MAP4K4: variants seen among roughly 807,000 people sequenced by gnomAD.
The protein encoded by MAP4K4 is mitogen-activated protein kinase kinase kinase kinase 4.
Under a neutral mutation model 189.6 loss-of-function variants are expected in MAP4K4, and 38 were observed. The observed-to-expected ratio is 0.20, with a 90% CI of 0.15 to 0.26. The LOEUF is 0.26. Ranked by LOEUF, MAP4K4 falls within the 10% of genes least tolerant of loss-of-function variation. The probability of loss-of-function intolerance (pLI) is 1.00; values close to 1 mark genes in which losing one functional copy is unlikely to be tolerated. For synonymous variants in MAP4K4, 610 were observed against 624.3 expected (o/e 0.98, Z 0.34); for missense variants, 1,054 against 1,726.9 (o/e 0.61, Z 6.91).
At position 101,874,121 on chromosome 2, in the gene MAP4K4, G is replaced by A. The variant is rs777823842; in HGVS notation, c.3110G>A (p.Arg1037Lys). 17 of 1,613,834 alleles carry A rather than the reference G, an allele frequency of 1.1e-5. No homozygotes were observed. Among genetic ancestry groups the A allele is most frequent in the Non-Finnish European group, 1.4e-5 (16 of 1,179,874 alleles). ...GATGGGATGAGACCAGAAGCCATAA[G>A]GCAAGATCCTACCCGGAAAGGCTCA... The change falls in exon 26 of 33, where the codon AGG becomes AAG. Residue 1037 changes from arginine (R) to lysine (K), a missense_variant. By Grantham distance (26) the Arg-to-Lys change is conservative. Around this residue, in one of 4 missense-constraint regions of MAP4K4, gnomAD observed 646 missense variants for 796.2 expected, o/e 0.81. Transcript: ENST00000324219.
chr2:101,763,922 C>T (rs1430693088), intron 2 of MAP4K4, among the ~76,000 whole-genome samples: 2 of 151,856 alleles, frequency 1.3e-5, no homozygotes, highest in Non-Finnish European at 2.9e-5. Context: ...GGAGAGGGGG[C>T]TGGAGAGGAC....
chr2:101,800,104 CTTG>C (rs763027426), intron 3 of MAP4K4, among the ~76,000 whole-genome samples: 6 of 146,916 alleles, frequency 4.1e-5, no homozygotes, highest in Non-Finnish European at 8.9e-5. Flanking sequence ...AAAGGCAGTT[CTTG>C]TTGTTCTTCT....
intron 20 of MAP4K4, chr2:101,867,674 C>T: frequency 2.7e-6 from 1 of 371,332 alleles, no homozygotes. Context: ...TTATCTCTTT[C>T]TTGGCATTAA....
intron 2 of MAP4K4, among the ~76,000 whole-genome samples, chr2:101,785,852 T>G (rs2090948321): frequency 6.6e-6 from 1 of 151,590 alleles, no homozygotes; most frequent in Admixed American, 6.6e-5. Flanking sequence ...TGAGTTGGAG[T>G]CTTGCTCTGT....
chr2:101,846,796 T>C (rs2097124420), intron 12 of MAP4K4, among the ~76,000 whole-genome samples: 1 of 152,180 alleles, frequency 6.6e-6, no homozygotes, highest in East Asian at 1.9e-4. Context: ...GTCACATGAG[T>C]AGAATTCCAC....
At chr2:101,796,576 C>G (rs1316198698) in intron 3 of MAP4K4, among the ~76,000 whole-genome samples, 1 of 152,164 alleles carries the variant, frequency 6.6e-6, no homozygotes, top group African/African-American at 2.4e-5. Flanking sequence ...TTTAAGTAAG[C>G]TCGTTGAGTG....
chr2:101,751,092 T>G (rs2068701361), intron 2 of MAP4K4, among the ~76,000 whole-genome samples: 1 of 152,194 alleles, frequency 6.6e-6, no homozygotes, highest in Non-Finnish European at 1.5e-5. Flanking sequence ...CTTCCATCCC[T>G]CTGTTGGTGT....
intron 2 of MAP4K4, among the ~76,000 whole-genome samples, chr2:101,766,694 A>G (rs2078776652): frequency 6.6e-6 from 1 of 151,100 alleles, no homozygotes; most frequent in Non-Finnish European, 1.5e-5. Context: ...CGGCTTTGGC[A>G]TCTCTAAGCT....
intron 2 of MAP4K4, among the ~76,000 whole-genome samples, chr2:101,762,591 C>T (rs1246984778): frequency 1.3e-5 from 2 of 152,160 alleles, no homozygotes; most frequent in African/African-American, 4.8e-5. Flanking sequence ...CTAAGTGGCA[C>T]AGGGGAAGAT....
At chr2:101,763,230 T>G (rs1558798391) in intron 2 of MAP4K4, among the ~76,000 whole-genome samples, 1 of 152,214 alleles carries the variant, frequency 6.6e-6, no homozygotes, top group Non-Finnish European at 1.5e-5. Context: ...GGAGAAGTTG[T>G]GTAGCACTTA....
chr2:101,854,066 C>T (rs1160811036), intron 12 of MAP4K4, among the ~76,000 whole-genome samples: 1 of 152,010 alleles, frequency 6.6e-6, no homozygotes, highest in African/African-American at 2.4e-5. Context: ...GGATGTGTTC[C>T]AGCAAAGTAA....
In MAP4K4 at chr2:101,835,969, C is replaced by CA; in HGVS notation, c.771dup (p.Trp258MetfsTer7). On this transcript the variant is annotated frameshift_variant, in exon 9 of 33. Transcript: ENST00000324219. LOFTEE classifies it high-confidence loss of function. ...AGAAACCCTCCTCCCCGGCTGAAGT[C>CA]AAAAAAATGGTAAGCTATATATGGT... is the stretch of plus-strand genomic sequence containing the variant. The CA allele has an allele frequency of 1.2e-6, 2 of 1,610,634 alleles. No individual in the cohort carries two copies. The highest frequency in any genetic ancestry group is 1.7e-6 in the Non-Finnish European group (2 of 1,177,582).
intron 2 of MAP4K4, among the ~76,000 whole-genome samples, chr2:101,779,604 G>A (rs1425932140): frequency 3.3e-5 from 5 of 151,992 alleles, no homozygotes; most frequent in Non-Finnish European, 7.4e-5. Context: ...TTCACATGCC[G>A]AGACAAGAGC....
At chr2:101,750,469 A>G (rs574664696) in intron 2 of MAP4K4, among the ~76,000 whole-genome samples, 4 of 141,482 alleles carry the variant, frequency 2.8e-5, no homozygotes, top group Non-Finnish European at 4.6e-5. Context: ...ATGAGATCAC[A>G]TGGACACAGG....
intron 2 of MAP4K4, among the ~76,000 whole-genome samples, chr2:101,699,712 C>T (rs1020427875): frequency 2.0e-5 from 3 of 152,170 alleles, no homozygotes; most frequent in Non-Finnish European, 2.9e-5. Flanking sequence ...TTGAACGCCT[C>T]TCCTTAGCCT....
At chr2:101,849,369 T>A (rs1381265791) in intron 12 of MAP4K4, among the ~76,000 whole-genome samples, 1 of 152,100 alleles carries the variant, frequency 6.6e-6, no homozygotes, top group Non-Finnish European at 1.5e-5. Context: ...GCTCAAGCAA[T>A]CCACCCGCCT....
intron 12 of MAP4K4, among the ~76,000 whole-genome samples, chr2:101,854,416 G>T (rs988680127): frequency 1.3e-5 from 2 of 152,160 alleles, no homozygotes; most frequent in South Asian, 4.2e-4. Flanking sequence ...TGAATTCGAA[G>T]AGCAGAGAAT....
At chr2:101,889,225 G>T (rs1055434774) in intron 32 of MAP4K4, among the ~76,000 whole-genome samples, 1 of 152,166 alleles carries the variant, frequency 6.6e-6, no homozygotes. Flanking sequence ...AGATAGGGAA[G>T]ATAAAAGCTG....
intron 12 of MAP4K4, among the ~76,000 whole-genome samples, chr2:101,852,585 C>T (rs997279325): frequency 1.3e-5 from 2 of 151,986 alleles, no homozygotes; most frequent in African/African-American, 4.8e-5. Flanking sequence ...TTTTATATAG[C>T]GTATCCTGTT....
Sources: allele counts gnomAD v4.1 joint callset (sites outside exome capture counted in the v4.1 genomes callset), GRCh38; gene constraint gnomAD v4.1.1; regional missense constraint gnomAD v4.1.1; transcripts MANE v1.5; gene names NCBI Gene and HGNC (gene_info 2026-07-23, HGNC 2026-07-21).